The following PNPLA8 variants were observed in gnomAD, a reference collection of about 807,000 sequenced individuals.
The protein encoded by PNPLA8 is calcium-independent phospholipase A2-gamma.
In PNPLA8, 39 loss-of-function variants were observed where a neutral mutation model predicts 76.9. The observed-to-expected ratio is 0.51, with a 90% CI of 0.39 to 0.66. The LOEUF is 0.66. PNPLA8 is among the 30% of genes least tolerant of loss of function. PNPLA8 has a pLI of 0.00. For missense variants in PNPLA8, 887 were observed against 918.0 expected (o/e 0.97, Z 0.44); for synonymous variants, 301 against 307.9 (o/e 0.98, Z 0.24).
Position 108,479,247 on chromosome 7 carries a change from C to T in PNPLA8, c.2011G>A (p.Val671Ile), listed in dbSNP as rs1196314653. The change falls in exon 10 of 11, where the codon GTA becomes ATA. Residue 671 changes from valine to isoleucine, a missense_variant. Physicochemically the swap from Val to Ile is conservative, Grantham distance 29 (BLOSUM62 3). Coordinates refer to ENST00000257694, the MANE Select transcript of PNPLA8 (RefSeq NM_001256007.3). ...TTAGTTTTCAAGCTTGTGTATGTTACCGTGTTTCTCACATCACTCTCATAA... is the reference window on the plus strand; with the variant it reads ...TTAGTTTTCAAGCTTGTGTATGTTATCGTGTTTCTCACATCACTCTCATAA... ...GRYESDVRNT[V>I]TYTSLKTKLS... 1 of 1,613,238 alleles carries T rather than the reference C, an allele frequency of 6.2e-7. No homozygotes were observed. Among genetic ancestry groups the T allele is most frequent in the African/African-American group, 1.3e-5 (1 of 74,920 alleles).
chr7:108,496,253 A>T (rs1315173488), intron 7 of PNPLA8, among the ~76,000 whole-genome samples: 1 of 152,140 alleles, frequency 6.6e-6, no homozygotes, highest in Non-Finnish European at 1.5e-5. Context: ...AAATAAAAAT[A>T]AAAATAATTG....
intron 5 of PNPLA8, 103 bp downstream of exon 5, chr7:108,502,388 A>G (rs1862017065): frequency 4.2e-6 from 4 of 945,034 alleles, no homozygotes; most frequent in Non-Finnish European, 6.1e-6. Flanking sequence ...GGTTGCAGTG[A>G]GCTGAGATTG....
chr7:108,489,272 T>C (rs1860968159), intron 8 of PNPLA8, among the ~76,000 whole-genome samples: 1 of 152,204 alleles, frequency 6.6e-6, no homozygotes, highest in African/African-American at 2.4e-5. Context: ...CATCACAGCC[T>C]CTGAGGCCCT....
intron 7 of PNPLA8, chr7:108,496,313 C>A (rs1040801941): frequency 6.5e-5 from 18 of 274,918 alleles, no homozygotes; most frequent in Middle Eastern, 1.1e-3. Flanking sequence ...GTAAAAACAA[C>A]AGGATGCAAG....
At position 108,509,704 on chromosome 7, in the gene PNPLA8, G is replaced by T. The variant is rs1862747853; in HGVS notation, c.1206+4440C>A. Among the ~76,000 whole-genome samples, 4 of 151,666 alleles carry T rather than the reference G, an allele frequency of 2.6e-5. 1 individual carries two copies. The South Asian group carries it at 8.4e-4, about 32-fold the overall frequency. ...ATATACCCATATGACTATAAATCAT[G>T]CTGCTATAAAGACACATGCACACGT... On this transcript the variant is annotated intron_variant, in intron 4 of 10. Coordinates refer to ENST00000257694, the MANE Select transcript of PNPLA8 (RefSeq NM_001256007.3).
At chr7:108,485,905 T>C (rs536904954) in intron 9 of PNPLA8, among the ~76,000 whole-genome samples, 385 of 152,214 alleles carry the variant, frequency 2.5e-3, no homozygotes, top group Non-Finnish European at 4.2e-3. Context: ...TTTTTGCCCA[T>C]GTGGCAATAT....
rs1188736175 is a variant in PNPLA8, at chr7:108,496,722, T to C, written c.1487A>G (p.His496Arg). Residue 496 changes from histidine (H) to arginine (R), a missense_variant, in exon 7 of 11, where the codon CAT (histidine) becomes CGT (arginine). Coordinates refer to ENST00000257694, the MANE Select transcript of PNPLA8 (RefSeq NM_001256007.3). Reference sequence around the variant, plus strand: ...TTCCTCACATTCATCCAAGGGCATATGAAACAACCCCAACATGAAAGCTAA... The same window carrying C: ...TTCCTCACATTCATCCAAGGGCATACGAAACAACCCCAACATGAAAGCTAA... ...AILAFMLGLF[H>R]MPLDECEELY... is the part of the protein sequence containing the mutation. 6.2e-7 allele frequency: 1 copy of C among 1,611,286 alleles called. No individual in the cohort carries two copies. The highest frequency in any genetic ancestry group is 2.2e-5 in the East Asian group (1 of 44,634).
intron 5 of PNPLA8, among the ~76,000 whole-genome samples, chr7:108,500,544 T>C (rs1312756790): frequency 1.3e-5 from 2 of 152,214 alleles, no homozygotes; most frequent in African/African-American, 4.8e-5. Context: ...TGCAGTTTTG[T>C]CCCAGTCACA....
intron 4 of PNPLA8, chr7:108,510,489 C>G (rs1862833508): frequency 5.7e-6 from 8 of 1,402,418 alleles, no homozygotes; most frequent in Non-Finnish European, 8.0e-6. Context: ...CCTGCAGAAC[C>G]CAAACTGGCA....
In PNPLA8 at chr7:108,503,362, T is replaced by C. The variant is rs1048000018; in HGVS notation, c.1207-720A>G. ...CTGAGTGGCAGCTATAATTCTGCTG[T>C]GCAACCTTCTGTAAATCAAACAATT... On this transcript the variant is annotated intron_variant, in intron 4 of 10. Transcript: ENST00000257694. Among the ~76,000 whole-genome samples the C allele has an allele frequency of 5.9e-5, 9 of 152,256 alleles. 1 individual carries two copies. The highest frequency in any genetic ancestry group is 3.3e-4 in the Admixed American group (5 of 15,286).
chr7:108,507,290 C>A (rs562781356), intron 4 of PNPLA8, among the ~76,000 whole-genome samples: 8 of 130,048 alleles, frequency 6.2e-5, no homozygotes, highest in African/African-American at 2.4e-4. Context: ...TTGCAGTGAG[C>A]TGAGATCACA....
intron 9 of PNPLA8, among the ~76,000 whole-genome samples, chr7:108,486,392 C>T (rs1860739189): frequency 6.6e-6 from 1 of 151,968 alleles, no homozygotes; most frequent in Non-Finnish European, 1.5e-5. Context: ...TAGTAAGCCA[C>T]ATATTAAAAT....
At chr7:108,492,592 T>C (rs908794515) in intron 7 of PNPLA8, among the ~76,000 whole-genome samples, 20 of 152,118 alleles carry the variant, frequency 1.3e-4, no homozygotes, top group African/African-American at 4.8e-4. Flanking sequence ...ATGGTAATTG[T>C]TTATTTCCGA....
intron 9 of PNPLA8, among the ~76,000 whole-genome samples, chr7:108,486,153 G>C (rs1381828496): frequency 1.3e-5 from 2 of 151,864 alleles, no homozygotes; most frequent in Admixed American, 1.3e-4. Flanking sequence ...CTTTCTTTTG[G>C]ATAAAGAATA....
rs1175227002 is a variant in PNPLA8 at position 108,470,756 on chromosome 7, T to C, written c.*1645A>G. On this transcript the variant is annotated 3_prime_UTR_variant, in exon 11 of 11. Transcript: ENST00000257694. Reference sequence around the variant, plus strand: ...ATTGGTAGTTTCCTATTTTATACTATGTCTAAAGTTTATATAATTCGGATG... The same window carrying C: ...ATTGGTAGTTTCCTATTTTATACTACGTCTAAAGTTTATATAATTCGGATG... The C allele has an allele frequency of 6.6e-6, 1 of 152,218 alleles. No individual in the cohort carries two copies. Among genetic ancestry groups the C allele is most frequent in the South Asian group, 2.1e-4 (1 of 4,826 alleles). 9.4% of individuals were successfully genotyped at this position (152,218 alleles called of 1,614,324 possible).
rs1164012547 is a variant in PNPLA8, at chr7:108,514,868, T to G, written c.624A>C (p.Ser208=). 5.0e-6 allele frequency: 8 copies of G among 1,609,176 alleles called. No individual in the cohort carries two copies. Among genetic ancestry groups the G allele is most frequent in the Non-Finnish European group, 6.8e-6 (8 of 1,176,810 alleles). Residue 208 remains serine (S), a synonymous_variant, in exon 3 of 11, where the codon TCA becomes TCC. Transcript: ENST00000257694. ...GTTTGAAATATGAATTAATATGATT[T>G]GATAAAAAGTAGAATGAGTCTCCAA... ...TKFGDSFYFL[S]NHINSYFKRK...
chr7:108,479,317 C>T lies in PNPLA8; in HGVS notation c.1941G>A (p.Trp647Ter), dbSNP rs1418927333. ...CTATGCACTCTAACGGCACATCTGG[C>T]CAAAGACATTTACACTCATGCATAG... ...ALAMHECKCL[W>*]PDVPLECIVS... The change falls in exon 10 of 11, where the codon TGG becomes TGA. Residue 647 changes from tryptophan to a stop codon, truncating the protein, a stop_gained. Transcript: ENST00000257694. LOFTEE classifies it high-confidence loss of function. 6.2e-7 allele frequency: 1 copy of T among 1,613,344 alleles called. No individual in the cohort carries two copies. The highest frequency in any genetic ancestry group is 8.5e-7 in the Non-Finnish European group (1 of 1,179,442).
At chr7:108,478,919 T>C (rs1321127763) in intron 10 of PNPLA8, among the ~76,000 whole-genome samples, 1 of 152,226 alleles carries the variant, frequency 6.6e-6, no homozygotes, top group Non-Finnish European at 1.5e-5. Flanking sequence ...CAACAAAATG[T>C]TGTGCTATCC....
At chr7:108,473,814 C>T (rs566397858) in intron 10 of PNPLA8, among the ~76,000 whole-genome samples, 1 of 152,286 alleles carries the variant, frequency 6.6e-6, no homozygotes, top group Non-Finnish European at 1.5e-5. Flanking sequence ...AAGTGATCCT[C>T]CTGCCTCAGC....
Sources: gnomAD v4.1 joint callset for allele counts (sites outside exome capture counted in the v4.1 genomes callset) on GRCh38, gnomAD v4.1.1 for gene constraint, MANE v1.5 for transcripts, NCBI Gene and HGNC (gene_info 2026-07-23, HGNC 2026-07-21) for gene names.